BTC: variants seen among roughly 807,000 people sequenced by gnomAD.
The protein encoded by BTC is probetacellulin.
A neutral mutation model predicts 18.1 loss-of-function variants in BTC; 13 were observed. That is an observed-to-expected ratio of 0.72 (90% confidence interval 0.47 to 1.14). BTC has a LOEUF of 1.14. BTC is among the 50% of genes most tolerant of loss of function. The probability of loss-of-function intolerance (pLI) is 0.00; values close to 1 mark genes in which losing one functional copy is unlikely to be tolerated. For missense variants in BTC, 247 were observed against 224.2 expected (o/e 1.10, Z -0.65); for synonymous variants, 83 against 79.4 (o/e 1.05, Z -0.24).
intron 2 of BTC, among the ~76,000 whole-genome samples, chr4:74,756,873 G>T (rs1030995419): frequency 3.3e-5 from 5 of 152,142 alleles, no homozygotes; most frequent in African/African-American, 1.2e-4. Flanking sequence ...GTAATATGTA[G>T]CCATTTCCCC....
At chr4:74,763,656 A>T (rs1280216871) in intron 2 of BTC, among the ~76,000 whole-genome samples, 2 of 152,122 alleles carry the variant, frequency 1.3e-5, no homozygotes, top group African/African-American at 4.8e-5. Flanking sequence ...CAGTAGTGAG[A>T]AAAAAAGAAT....
intron 1 of BTC, among the ~76,000 whole-genome samples, chr4:74,787,579 G>A (rs1186784340): frequency 6.6e-6 from 1 of 152,066 alleles, no homozygotes; most frequent in African/African-American, 2.4e-5. Context: ...TTTGACTTGT[G>A]AGCATTCTTG....
chr4:74,791,991 A>ACT (rs1725644560), intron 1 of BTC, among the ~76,000 whole-genome samples: 1 of 147,330 alleles, frequency 6.8e-6, no homozygotes, highest in Admixed American at 6.7e-5. Flanking sequence ...ACACACACAC[A>ACT]CACACACACA....
At chr4:74,756,254 A>G (rs1724595664) in intron 2 of BTC, among the ~76,000 whole-genome samples, 1 of 152,192 alleles carries the variant, frequency 6.6e-6, no homozygotes, top group African/African-American at 2.4e-5. Context: ...AGGGTAAAAC[A>G]CAAGTATAAT....
At chr4:74,789,633 T>C (rs1725569395) in intron 1 of BTC, among the ~76,000 whole-genome samples, 1 of 152,174 alleles carries the variant, frequency 6.6e-6, no homozygotes, top group South Asian at 2.1e-4. Context: ...GGCTATCTGT[T>C]CTTGAGCATC....
chr4:74,769,504 A>C (rs1481680811), intron 2 of BTC, among the ~76,000 whole-genome samples: 1 of 152,156 alleles, frequency 6.6e-6, no homozygotes, highest in Non-Finnish European at 1.5e-5. Context: ...ACAAAGCCTA[A>C]AACTCTTACT....
intron 1 of BTC, among the ~76,000 whole-genome samples, chr4:74,788,652 C>T (rs746030288): frequency 3.3e-5 from 5 of 152,176 alleles, no homozygotes; most frequent in African/African-American, 4.8e-5. Flanking sequence ...GGTCTGCCTT[C>T]CTCACTATCA....
At chr4:74,777,333 C>T (rs981424060) in intron 1 of BTC, among the ~76,000 whole-genome samples, 1 of 152,096 alleles carries the variant, frequency 6.6e-6, no homozygotes, top group Non-Finnish European at 1.5e-5. Context: ...ATGCCTTGCA[C>T]AGGGTAAGCG....
intron 1 of BTC, among the ~76,000 whole-genome samples, chr4:74,793,993 G>C (rs35388533): frequency 0.073 from 11,095 of 151,770 alleles, 507 homozygotes; most frequent in Admixed American, 0.12. Context: ...CGGCCTGCTC[G>C]CAGCACTGGC....
intron 2 of BTC, among the ~76,000 whole-genome samples, chr4:74,762,487 T>A (rs1490301624): frequency 6.6e-6 from 1 of 152,156 alleles, no homozygotes; most frequent in Non-Finnish European, 1.5e-5. Context: ...AGATGATGGA[T>A]GCTATCTTTT....
chr4:74,765,103 C>A (rs922728592), intron 2 of BTC, among the ~76,000 whole-genome samples: 3 of 89,764 alleles, frequency 3.3e-5, no homozygotes, highest in African/African-American at 3.0e-4. Flanking sequence ...GACACCAACA[C>A]AGCAAGTTAA....
intron 1 of BTC, 38 bp downstream of exon 1, chr4:74,794,224 T>C: frequency 3.2e-6 from 5 of 1,549,598 alleles, no homozygotes; most frequent in Non-Finnish European, 4.4e-6. Flanking sequence ...AGCCCCAGAC[T>C]TTCCTCCTGG....
intron 1 of BTC, among the ~76,000 whole-genome samples, chr4:74,778,186 T>C (rs115424735): frequency 2.8e-3 from 419 of 152,326 alleles, no homozygotes; most frequent in African/African-American, 9.4e-3. Context: ...TGCCCTCCTT[T>C]AATCCATTGT....
At chr4:74,755,400 A>T (rs1007754302) in intron 3 of BTC, among the ~76,000 whole-genome samples, 2 of 152,236 alleles carry the variant, frequency 1.3e-5, no homozygotes, top group African/African-American at 4.8e-5. Flanking sequence ...CCACTATACT[A>T]AACAGGCTTC....
At chr4:74,786,903 G>C (rs1415450854) in intron 1 of BTC, among the ~76,000 whole-genome samples, 1 of 152,114 alleles carries the variant, frequency 6.6e-6, no homozygotes, top group East Asian at 1.9e-4. Flanking sequence ...ATAAGGGATG[G>C]AGAAACCTGT....
chr4:74,790,060 CA>C (rs1244779942), intron 1 of BTC, among the ~76,000 whole-genome samples: 1 of 152,118 alleles, frequency 6.6e-6, no homozygotes, highest in Non-Finnish European at 1.5e-5. Context: ...CAAACCCAGT[CA>C]AAATAAAACT....
rs1553958996 is a variant in BTC, at chr4:74,781,394, T to TGTGTGTGTGTGTGC, written c.65-11239_65-11238insGCACACACACACAC. 2.6e-3 allele frequency among the ~76,000 whole-genome samples: 383 copies of TGTGTGTGTGTGTGC among 147,106 alleles called. 2 individuals carry two copies. The highest frequency in any genetic ancestry group is 9.6e-3 in the African/African-American group (357 of 37,298). ...TCTATTCTCTCGTCACGTGTGTGTG[T>TGTGTGTGTGTGTGC]GTGTGTGTGTGTGTGTGTGTGTGGC... On this transcript the variant is annotated intron_variant, in intron 1 of 5. Coordinates refer to ENST00000395743, the MANE Select transcript of BTC (RefSeq NM_001729.4).
intron 1 of BTC, among the ~76,000 whole-genome samples, chr4:74,793,683 G>C (rs1725691135): frequency 6.6e-6 from 1 of 152,092 alleles, no homozygotes; most frequent in African/African-American, 2.4e-5. Context: ...TGTGAGTTCT[G>C]ACTCCTAAGG....
At chr4:74,785,574 A>G (rs957798030) in intron 1 of BTC, among the ~76,000 whole-genome samples, 1 of 152,188 alleles carries the variant, frequency 6.6e-6, no homozygotes, top group Non-Finnish European at 1.5e-5. Flanking sequence ...TTCTAAGCAG[A>G]CGAATAGCCA....
Sources: allele counts gnomAD v4.1 joint callset (sites outside exome capture counted in the v4.1 genomes callset), GRCh38; gene constraint gnomAD v4.1.1; transcripts MANE v1.5; gene names NCBI Gene and HGNC (gene_info 2026-07-23, HGNC 2026-07-21).